The following SCFD2 variants were observed in gnomAD, a reference collection of about 807,000 sequenced individuals.
The protein encoded by SCFD2 is sec1 family domain containing 2, also known as sec1 family domain-containing protein 2.
SCFD2 carries 54 observed loss-of-function variants against 58.9 expected under a neutral mutation model. That is an observed-to-expected ratio of 0.92 (90% CI 0.74 to 1.15). SCFD2 has a LOEUF of 1.15. SCFD2 is among the 50% of genes most tolerant of loss of function. The pLI, the probability that SCFD2 is intolerant of heterozygous loss-of-function variation, is 0.00. For missense variants in SCFD2, 805 were observed against 836.6 expected, an observed-to-expected ratio of 0.96 and a Z score of 0.47; for synonymous variants, 321 against 335.9, an observed-to-expected ratio of 0.96 and a Z score of 0.49.
intron 4 of SCFD2, among the ~76,000 whole-genome samples, chr4:53,232,997 A>G (rs1266860106): frequency 3.3e-5 from 5 of 152,108 alleles, no homozygotes; most frequent in Non-Finnish European, 5.9e-5. Context: ...TGTTAAGCTA[A>G]CCTCTAGCAC....
chr4:53,007,610 T>A (rs1468407600), intron 5 of SCFD2, among the ~76,000 whole-genome samples: 1 of 152,148 alleles, frequency 6.6e-6, no homozygotes, highest in East Asian at 1.9e-4. Context: ...CACTTCTCTA[T>A]GTGTCAGCAT....
chr4:52,969,405 G>A (rs909454874), intron 5 of SCFD2, among the ~76,000 whole-genome samples: 1 of 152,192 alleles, frequency 6.6e-6, no homozygotes, highest in Non-Finnish European at 1.5e-5. Context: ...TAGGAAAATG[G>A]TTTAGGAAAT....
chr4:53,009,079 A>T lies in SCFD2; in HGVS notation c.1562-88209T>A, dbSNP rs371369484. 3.0e-4 allele frequency among the ~76,000 whole-genome samples: 46 copies of T among 152,288 alleles called. 1 individual carries two copies. The East Asian group carries it at 7.7e-3, about 26-fold the overall frequency. On this transcript the variant is annotated intron_variant, in intron 5 of 8. Coordinates refer to ENST00000401642, the MANE Select transcript of SCFD2 (RefSeq NM_152540.4). Reference sequence around the variant, plus strand: ...CACACCTCCCAACTACCTTTGACGAACTTGCCATCTTCCATAAATGACTGT... The same window carrying T: ...CACACCTCCCAACTACCTTTGACGATCTTGCCATCTTCCATAAATGACTGT...
intron 3 of SCFD2, among the ~76,000 whole-genome samples, chr4:53,289,080 T>A (rs770867802): frequency 3.9e-5 from 6 of 152,156 alleles, no homozygotes; most frequent in African/African-American, 7.2e-5. Context: ...AAATAAATGG[T>A]CTGACTGGGC....
chr4:53,257,247 C>T (rs1730672507), intron 4 of SCFD2, among the ~76,000 whole-genome samples: 1 of 152,156 alleles, frequency 6.6e-6, no homozygotes, highest in Non-Finnish European at 1.5e-5. Context: ...TCTTCTCGGT[C>T]ACAGGCAAGC....
At chr4:53,229,225 C>A (rs911300609) in intron 4 of SCFD2, among the ~76,000 whole-genome samples, 4 of 152,178 alleles carry the variant, frequency 2.6e-5, no homozygotes, top group African/African-American at 9.7e-5. Context: ...AATGCCATCC[C>A]CATCAAGCTA....
At chr4:53,080,699 C>T (rs1724120567) in intron 5 of SCFD2, among the ~76,000 whole-genome samples, 1 of 152,072 alleles carries the variant, frequency 6.6e-6, no homozygotes, top group Non-Finnish European at 1.5e-5. Flanking sequence ...CTTCATTTAA[C>T]CCCTAAGAAC....
rs1487122027 is a variant in SCFD2 at position 53,205,798 on chromosome 4, C to A, written c.1312-60216G>T. On this transcript the variant is annotated intron_variant, in intron 4 of 8. Coordinates refer to ENST00000401642, the MANE Select transcript of SCFD2 (RefSeq NM_152540.4). ...AATGGCATGAACCCAGGAAGCGGAG[C>A]TTGCAGTGAGCCGAGACTGAGCCAC... is the stretch of plus-strand genomic sequence containing the variant. Among the ~76,000 whole-genome samples the A allele has an allele frequency of 3.3e-5, 5 of 151,180 alleles. No individual in the cohort carries two copies. The East Asian group carries it at 7.8e-4, about 24-fold the overall frequency.
chr4:53,188,864 G>A (rs1227448239), intron 4 of SCFD2, among the ~76,000 whole-genome samples: 4 of 152,070 alleles, frequency 2.6e-5, no homozygotes, highest in African/African-American at 9.7e-5. Context: ...GTGCTCACTT[G>A]TTTTTTTCCT....
intron 4 of SCFD2, among the ~76,000 whole-genome samples, chr4:53,262,545 T>C (rs1397296296): frequency 6.6e-6 from 1 of 152,218 alleles, no homozygotes. Context: ...TCTTGGCTGA[T>C]AATTGTTCTG....
intron 4 of SCFD2, among the ~76,000 whole-genome samples, chr4:53,200,106 A>C (rs1258403165): frequency 6.6e-6 from 1 of 152,124 alleles, no homozygotes; most frequent in Non-Finnish European, 1.5e-5. Flanking sequence ...TTACTATCAC[A>C]ATCACATTGG....
At chr4:53,363,853 T>C (rs906591002) in intron 1 of SCFD2, among the ~76,000 whole-genome samples, 1 of 147,164 alleles carries the variant, frequency 6.8e-6, no homozygotes, top group Non-Finnish European at 1.5e-5. Context: ...AAGCATTACC[T>C]ACTGAAGATG....
chr4:52,891,841 C>A (rs4864693), intron 7 of SCFD2, among the ~76,000 whole-genome samples: 4 of 151,962 alleles, frequency 2.6e-5, no homozygotes, highest in Non-Finnish European at 5.9e-5. Context: ...CCTGAAATGT[C>A]CCCCCTGCCC....
At chr4:52,874,082 A>T in intron 8 of SCFD2, 21 bp from the exon 9 acceptor site, 3 of 1,541,396 alleles carry the variant, frequency 1.9e-6, no homozygotes, top group Non-Finnish European at 2.7e-6. Flanking sequence ...GAGAGGGCAA[A>T]CACACCGCAG....
intron 5 of SCFD2, chr4:52,956,466 G>C (rs1720715223): frequency 2.8e-6 from 1 of 353,580 alleles, no homozygotes; most frequent in South Asian, 2.2e-5. Context: ...AGGGTCCTGG[G>C]ACAGTGCAAC....
At chr4:53,265,573 G>T (rs1479389372) in intron 4 of SCFD2, 1 of 152,046 alleles carries the variant, frequency 6.6e-6, no homozygotes, top group African/African-American at 2.4e-5. Context: ...AGCACCTAAT[G>T]CACAATTTAA....
At chr4:52,901,197 A>C (rs541390491) in intron 7 of SCFD2, among the ~76,000 whole-genome samples, 25 of 152,284 alleles carry the variant, frequency 1.6e-4, no homozygotes, top group Admixed American at 1.6e-3. Flanking sequence ...CCGGTACCTC[A>C]GTTGGAAATG....
intron 5 of SCFD2, among the ~76,000 whole-genome samples, chr4:52,973,441 C>A (rs1170113329): frequency 6.6e-6 from 1 of 152,218 alleles, no homozygotes. Context: ...AATTCCTCGA[C>A]ACATACACCC....
chr4:53,285,536 C>T (rs1731638567), intron 3 of SCFD2, among the ~76,000 whole-genome samples: 2 of 151,844 alleles, frequency 1.3e-5, no homozygotes, highest in Admixed American at 6.6e-5. Flanking sequence ...AGATGGCTGA[C>T]TAGAGTTGCC....
Sources: allele counts gnomAD v4.1 joint callset (sites outside exome capture counted in the v4.1 genomes callset), GRCh38; gene constraint gnomAD v4.1.1; transcripts MANE v1.5; gene names NCBI Gene and HGNC (gene_info 2026-07-23, HGNC 2026-07-21).